The following BRD10 variants were observed in gnomAD, a reference collection of about 807,000 sequenced individuals.
The protein encoded by BRD10 is bromodomain containing 10.
the BRD10 span, among the ~76,000 whole-genome samples, chr9:5,949,556 T>C: frequency 6.6e-6 from 1 of 152,180 alleles, no homozygotes; most frequent in South Asian, 2.1e-4. Context: ...GTAATATAAG[T>C]CTTAGCAGCT....
the BRD10 span, among the ~76,000 whole-genome samples, chr9:5,891,536 A>G: frequency 6.6e-6 from 1 of 152,190 alleles, no homozygotes; most frequent in African/African-American, 2.4e-5. Context: ...ACTGGGGCTC[A>G]TTAATATAAT....
At chr9:5,945,032 G>T in the BRD10 span, 1 of 624,346 alleles carries the variant, frequency 1.6e-6, no homozygotes, top group Non-Finnish European at 2.7e-6. Context: ...AACAGAAGTT[G>T]TTTTAACACA....
At chr9:5,973,167 C>T in the BRD10 span, among the ~76,000 whole-genome samples, 2 of 152,138 alleles carry the variant, frequency 1.3e-5, no homozygotes, top group African/African-American at 4.8e-5. Flanking sequence ...AGATAGAATT[C>T]AAATACATGA....
the BRD10 span, among the ~76,000 whole-genome samples, chr9:5,934,927 A>G: frequency 6.6e-6 from 1 of 152,194 alleles, no homozygotes; most frequent in African/African-American, 2.4e-5. Context: ...CTATTACATG[A>G]AAAGGTAATA....
chr9:5,990,928 A>G, the BRD10 span, among the ~76,000 whole-genome samples: 1 of 152,200 alleles, frequency 6.6e-6, no homozygotes, highest in Non-Finnish European at 1.5e-5. Context: ...AACACTCAGA[A>G]TATTGCCTGT....
the BRD10 span, among the ~76,000 whole-genome samples, chr9:5,989,169 T>C: frequency 6.8e-6 from 1 of 146,212 alleles, no homozygotes; most frequent in African/African-American, 2.5e-5. Context: ...GAGGCAGAGG[T>C]TGTGGTGAGC....
the BRD10 span, chr9:5,933,797 G>A: frequency 1.8e-4 from 84 of 471,374 alleles, no homozygotes; most frequent in East Asian, 5.1e-3. Flanking sequence ...ATCTGGGATG[G>A]GTATGACAGC....
chr9:5,968,482 A>G, the BRD10 span: 15 of 1,611,178 alleles, frequency 9.3e-6, no homozygotes, highest in East Asian at 2.9e-4. Context: ...CTTTACAACA[A>G]TCAGTTTTTT....
the BRD10 span, among the ~76,000 whole-genome samples, chr9:5,951,844 A>C: frequency 9.2e-5 from 14 of 152,202 alleles, 1 homozygote; most frequent in South Asian, 2.9e-3. Context: ...GACAGTTGCC[A>C]AGTTTCTTTA....
chr9:5,908,655 C>A, the BRD10 span: 1 of 1,614,044 alleles, frequency 6.2e-7, no homozygotes. Flanking sequence ...CAATGCTCCA[C>A]CTGCTTATGA....
At chr9:5,948,289 G>C in the BRD10 span, among the ~76,000 whole-genome samples, 1 of 152,096 alleles carries the variant, frequency 6.6e-6, no homozygotes, top group Admixed American at 6.6e-5. Context: ...CAGAACCCAG[G>C]ACTTCTCCTA....
the BRD10 span, among the ~76,000 whole-genome samples, chr9:5,975,127 G>A: frequency 1.3e-5 from 2 of 152,026 alleles, no homozygotes; most frequent in African/African-American, 4.8e-5. Context: ...ACCCAGAAAT[G>A]ATACACATAT....
the BRD10 span, chr9:5,906,970 C>G: frequency 6.2e-7 from 1 of 1,600,100 alleles, no homozygotes; most frequent in African/African-American, 1.4e-5. Context: ...AGCAAAGTGT[C>G]TCTTCAAGAG....
the BRD10 span, among the ~76,000 whole-genome samples, chr9:5,948,570 C>A: frequency 6.6e-6 from 1 of 151,406 alleles, no homozygotes; most frequent in Non-Finnish European, 1.5e-5. Context: ...ACTGATACTT[C>A]AAACTAGAAA....
chr9:5,880,590 G>A, the BRD10 span, among the ~76,000 whole-genome samples: 2 of 152,054 alleles, frequency 1.3e-5, no homozygotes, highest in African/African-American at 4.8e-5. Context: ...GTCTGAATTA[G>A]TTTTCCCCAC....
chr9:5,991,781 C>A, the BRD10 span, among the ~76,000 whole-genome samples: 6 of 151,532 alleles, frequency 4.0e-5, no homozygotes, highest in Admixed American at 2.0e-4. Context: ...TCTGTCTCCT[C>A]CAAAGTCTTT....
chr9:5,978,783 C>T, the BRD10 span, among the ~76,000 whole-genome samples: 2 of 152,176 alleles, frequency 1.3e-5, no homozygotes, highest in Admixed American at 1.3e-4. Flanking sequence ...CTGGAACAAC[C>T]AGAAACTCCT....
chr9:5,936,325 T>G, the BRD10 span, among the ~76,000 whole-genome samples: 1 of 152,152 alleles, frequency 6.6e-6, no homozygotes, highest in South Asian at 2.1e-4. Flanking sequence ...ACTGCACTCT[T>G]GCCTGGGTGA....
At chr9:5,879,595 G>C in the BRD10 span, among the ~76,000 whole-genome samples, 3 of 152,142 alleles carry the variant, frequency 2.0e-5, no homozygotes, top group African/African-American at 7.2e-5. Context: ...ACACTGGTCT[G>C]GTGGCCACCG....
Sources: allele counts gnomAD v4.1 joint callset (sites outside exome capture counted in the v4.1 genomes callset), GRCh38; gene constraint gnomAD v4.1.1; transcripts MANE v1.5; gene names NCBI Gene and HGNC (gene_info 2026-07-23, HGNC 2026-07-21).